Variants in SCAF8 observed in about 807,000 individuals in gnomAD.
SCAF8 encodes SR-related CTD associated factor 8, also known as SR-related and CTD-associated factor 8.
In SCAF8, 23 loss-of-function variants were observed where a neutral mutation model predicts 140.5. The observed-to-expected ratio is 0.16, with a 90% confidence interval of 0.12 to 0.23. The LOEUF (loss-of-function observed/expected upper bound fraction) is 0.23. SCAF8 is among the 10% of genes least tolerant of loss of function. The pLI is 1.00. For synonymous variants in SCAF8, 575 were observed against 528.9 expected (o/e 1.09, Z -1.20); for missense variants, 1,397 against 1,555.7 (o/e 0.90, Z 1.72).
chr6:154,774,147 T>G (rs2114846503), intron 2 of SCAF8, 75 bp downstream of exon 2: 1 of 972,536 alleles, frequency 1.0e-6, no homozygotes, highest in African/African-American at 1.6e-5. Flanking sequence ...GATAATTTTT[T>G]TATGGATTAT....
At chr6:154,817,053 A>G (rs1172745370) in intron 13 of SCAF8, among the ~76,000 whole-genome samples, 6 of 152,200 alleles carry the variant, frequency 3.9e-5, no homozygotes, top group Non-Finnish European at 8.8e-5. Context: ...TACCTGTCAA[A>G]ACATCACTGT....
At chr6:154,812,259 C>T (rs1778115389) in intron 12 of SCAF8, among the ~76,000 whole-genome samples, 1 of 126,214 alleles carries the variant, frequency 7.9e-6, no homozygotes, top group South Asian at 2.8e-4. Flanking sequence ...ACTATTTTTC[C>T]AATAGCAGGT....
intron 1 of SCAF8, among the ~76,000 whole-genome samples, chr6:154,771,258 T>C (rs141146279): frequency 1.3e-4 from 20 of 152,280 alleles, no homozygotes; most frequent in African/African-American, 4.1e-4. Flanking sequence ...ATTGATCTGA[T>C]TGGGGAGGTC....
intron 2 of SCAF8, among the ~76,000 whole-genome samples, chr6:154,775,684 C>G (rs1333068184): frequency 1.3e-5 from 2 of 152,022 alleles, no homozygotes; most frequent in Non-Finnish European, 2.9e-5. Context: ...GCAGGAGGAT[C>G]ACTTGAACCC....
chr6:154,792,138 A>T (rs1220042789), intron 4 of SCAF8, among the ~76,000 whole-genome samples: 1 of 152,156 alleles, frequency 6.6e-6, no homozygotes. Flanking sequence ...TATGACATTG[A>T]CATTCTGCAA....
At chr6:154,753,137 T>A (rs1778880564) in intron 1 of SCAF8, among the ~76,000 whole-genome samples, 1 of 152,028 alleles carries the variant, frequency 6.6e-6, no homozygotes, top group Non-Finnish European at 1.5e-5. Context: ...GAGACCAGCC[T>A]GGCCAACATG....
chr6:154,834,222 G>C (rs531949368), downstream of SCAF8: 19 of 152,244 alleles, frequency 1.2e-4, no homozygotes, highest in African/African-American at 3.9e-4. Flanking sequence ...AGCCTCCTCA[G>C]TATGTGTATA....
intron 4 of SCAF8, among the ~76,000 whole-genome samples, chr6:154,789,735 C>A (rs951833876): frequency 2.6e-5 from 4 of 151,648 alleles, no homozygotes; most frequent in African/African-American, 9.7e-5. Context: ...TTATTGGAGA[C>A]AGGGTTTCAC....
At chr6:154,794,746 C>T (rs1777537103) in intron 5 of SCAF8, among the ~76,000 whole-genome samples, 1 of 91,902 alleles carries the variant, frequency 1.1e-5, no homozygotes, top group African/African-American at 4.4e-5. Flanking sequence ...CAAATTTGGA[C>T]AGATCCTTTT....
chr6:154,740,385 C>T (rs1001816387), intron 1 of SCAF8, among the ~76,000 whole-genome samples: 1 of 152,140 alleles, frequency 6.6e-6, no homozygotes, highest in African/African-American at 2.4e-5. Flanking sequence ...TTTGGGGGCA[C>T]AGTGACCCTG....
At chr6:154,760,563 A>G (rs1776353191) in intron 1 of SCAF8, among the ~76,000 whole-genome samples, 1 of 152,278 alleles carries the variant, frequency 6.6e-6, no homozygotes, top group Admixed American at 6.5e-5. Flanking sequence ...ATACTTAACT[A>G]CACTCTGCTA....
Position 154,832,797 on chromosome 6 carries a change from G to A in SCAF8, c.3218G>A (p.Arg1073Lys). The stretch of plus-strand genomic sequence containing the variant: ...GTAGATATAAGAGAGAATCTTGTGA[G>A]GCCAGGTATAGATCATCTTGGTCGA... ...PPVDIRENLV[R>K]PGIDHLGRRD... The change falls in exon 20 of 20, where the codon AGG becomes AAG. Residue 1073 changes from arginine to lysine, a missense_variant. This residue lies in a region of SCAF8 where 930 missense variants were observed against 874.6 expected (regional missense o/e 1.06). Coordinates refer to ENST00000367178, the MANE Select transcript of SCAF8 (RefSeq NM_014892.5). The A allele has an allele frequency of 6.2e-7, 1 of 1,613,932 alleles. No homozygotes were observed. The highest frequency in any genetic ancestry group is 8.5e-7 in the Non-Finnish European group (1 of 1,179,970).
rs971876162 is a variant in SCAF8 at position 154,829,674 on chromosome 6, A to AGG, written c.2141-1247_2141-1246dup. 1.9e-3 allele frequency among the ~76,000 whole-genome samples: 290 copies of AGG among 152,266 alleles called. 2 individuals are homozygous for AGG. The highest frequency in any genetic ancestry group is 6.9e-3 in the African/African-American group (285 of 41,560). ...GTAATCTCAGTACTTTGGGAGGCTG[A>AGG]GGTGGGTGGATCACTCGAGGTCAGG... On this transcript the variant is annotated intron_variant, in intron 18 of 19. Transcript: ENST00000367178.
At chr6:154,781,564 C>T (rs1777085438) in intron 3 of SCAF8, among the ~76,000 whole-genome samples, 1 of 152,206 alleles carries the variant, frequency 6.6e-6, no homozygotes, top group Admixed American at 6.5e-5. Flanking sequence ...AAGCTGGAGG[C>T]ATTGCACTAC....
At chr6:154,781,062 A>G (rs537093129) in intron 3 of SCAF8, among the ~76,000 whole-genome samples, 4 of 152,264 alleles carry the variant, frequency 2.6e-5, no homozygotes, top group Admixed American at 6.5e-5. Flanking sequence ...AGTAATCACC[A>G]TTCTGACTGG....
chr6:154,815,940 A>T, intron 13 of SCAF8, 124 bp downstream of exon 13: 3 of 510,296 alleles, frequency 5.9e-6, no homozygotes, highest in Non-Finnish European at 1.1e-5. Context: ...CTTTAAAAGG[A>T]TTGCTTTACT....
chr6:154,819,661 T>C (rs2114671906), intron 14 of SCAF8, among the ~76,000 whole-genome samples: 1 of 152,092 alleles, frequency 6.6e-6, no homozygotes, highest in South Asian at 2.1e-4. Context: ...AAAGTGGATT[T>C]GGATTTTCTT....
intron 19 of SCAF8, 94 bp downstream of exon 19, chr6:154,831,234 T>A: frequency 1.4e-6 from 1 of 706,434 alleles, no homozygotes; most frequent in Non-Finnish European, 2.3e-6. Flanking sequence ...CACTTCAATC[T>A]ACAGATGCTG....
intron 17 of SCAF8, among the ~76,000 whole-genome samples, chr6:154,826,929 A>G (rs1325812285): frequency 6.6e-6 from 1 of 152,138 alleles, no homozygotes; most frequent in Non-Finnish European, 1.5e-5. Context: ...ATGCTACGGG[A>G]CTTGAATGAG....
Sources: allele counts gnomAD v4.1 joint callset (sites outside exome capture counted in the v4.1 genomes callset), GRCh38; gene constraint gnomAD v4.1.1; regional missense constraint gnomAD v4.1.1; transcripts MANE v1.5; gene names NCBI Gene and HGNC (gene_info 2026-07-23, HGNC 2026-07-21).